OR2L13: variants seen among roughly 807,000 people sequenced by gnomAD.
The protein encoded by OR2L13 is olfactory receptor family 2 subfamily L member 13, also known as olfactory receptor 2L13.
In OR2L13, 14 loss-of-function variants were observed where a neutral mutation model predicts 15.3. The observed-to-expected ratio is 0.91, with a 90% CI of 0.60 to 1.43. The LOEUF is 1.43. OR2L13 is among the 40% of genes most tolerant of loss of function. The pLI is 0.00. For missense variants in OR2L13, 367 were observed against 387.9 expected (o/e 0.95, Z 0.45); for synonymous variants, 152 against 142.9 (o/e 1.06, Z -0.45).
the OR2L13 span, chr1:248,022,403 C>T: frequency 6.2e-7 from 1 of 1,614,012 alleles, no homozygotes; most frequent in Non-Finnish European, 8.5e-7. Context: ...TGATAGGCTC[C>T]ATCAACTCTT....
the OR2L13 span, chr1:248,023,926 AAATAG>A: frequency 6.6e-6 from 1 of 152,222 alleles, no homozygotes; most frequent in Non-Finnish European, 1.5e-5. Flanking sequence ...TGTTGCTCTC[AAATAG>A]AATAATCTTC....
At chr1:248,021,987 T>C in the OR2L13 span, 336 of 1,613,816 alleles carry the variant, frequency 2.1e-4, 1 homozygote, top group South Asian at 3.4e-3. Context: ...TTTCATCTTA[T>C]TGGGGCTGTT....
chr1:248,044,865 G>A, the OR2L13 span, among the ~76,000 whole-genome samples: 2 of 149,844 alleles, frequency 1.3e-5, no homozygotes, highest in African/African-American at 2.4e-5. Context: ...TCTCCAGAAG[G>A]CTGATTTGAA....
the OR2L13 span, among the ~76,000 whole-genome samples, chr1:247,964,393 A>G: frequency 6.6e-6 from 1 of 152,196 alleles, no homozygotes; most frequent in Non-Finnish European, 1.5e-5. Context: ...GCTGCGTTAT[A>G]GCACAAGTAA....
the OR2L13 span, chr1:248,084,486 C>G: frequency 6.2e-7 from 1 of 1,612,516 alleles, no homozygotes; most frequent in Non-Finnish European, 8.5e-7. Flanking sequence ...AATTGCCAAA[C>G]AGGGAGGTCA....
chr1:248,087,905 C>G, the OR2L13 span, among the ~76,000 whole-genome samples: 1 of 152,016 alleles, frequency 6.6e-6, no homozygotes, highest in African/African-American at 2.4e-5. Flanking sequence ...ATATATGTGA[C>G]TTAATTACCT....
the OR2L13 span, among the ~76,000 whole-genome samples, chr1:247,980,596 A>G: frequency 6.6e-6 from 1 of 152,218 alleles, no homozygotes; most frequent in Non-Finnish European, 1.5e-5. Flanking sequence ...ATCTAAATAC[A>G]TTATCATAAC....
At chr1:248,096,966 G>T (rs927379393), upstream of OR2L13, among the ~76,000 whole-genome samples, 22 of 152,122 alleles carry the variant, frequency 1.4e-4, no homozygotes, top group African/African-American at 5.3e-4. Flanking sequence ...TACGTGCTAT[G>T]GGGGCTCTGG....
chr1:247,966,773 T>G, the OR2L13 span, among the ~76,000 whole-genome samples: 1 of 152,196 alleles, frequency 6.6e-6, no homozygotes, highest in Non-Finnish European at 1.5e-5. Flanking sequence ...CCTGTTTTCC[T>G]TTCGTGGTTT....
the OR2L13 span, among the ~76,000 whole-genome samples, chr1:248,007,235 T>A: frequency 1.3e-5 from 2 of 152,154 alleles, no homozygotes; most frequent in African/African-American, 4.8e-5. Flanking sequence ...TTGAAATCAC[T>A]CCTACTGACA....
the OR2L13 span, chr1:248,028,988 G>C: frequency 5.9e-5 from 9 of 152,104 alleles, no homozygotes; most frequent in Admixed American, 1.3e-4. Context: ...AAAATTCTTC[G>C]ACTTTTCAAA....
chr1:247,960,574 G>A, the OR2L13 span, among the ~76,000 whole-genome samples: 2 of 152,208 alleles, frequency 1.3e-5, no homozygotes, highest in Non-Finnish European at 2.9e-5. Context: ...TCCTTGAGCT[G>A]CGGTGGGCTG....
At chr1:247,961,877 T>C in the OR2L13 span, among the ~76,000 whole-genome samples, 5 of 152,258 alleles carry the variant, frequency 3.3e-5, no homozygotes, top group African/African-American at 1.2e-4. Context: ...TTCTCGTGTG[T>C]TTCTGAAAAT....
the OR2L13 span, chr1:247,965,741 G>T: frequency 7.0e-6 from 11 of 1,562,552 alleles, no homozygotes; most frequent in Admixed American, 1.9e-5. Flanking sequence ...TCTTATGATC[G>T]CTATGTAGCT....
chr1:248,075,700 G>T, the OR2L13 span, among the ~76,000 whole-genome samples: 8 of 152,090 alleles, frequency 5.3e-5, no homozygotes, highest in African/African-American at 1.9e-4. Context: ...TGATGAGGTT[G>T]TTTGTTTTTC....
the OR2L13 span, among the ~76,000 whole-genome samples, chr1:247,951,719 C>T: frequency 1.3e-5 from 2 of 151,852 alleles, no homozygotes; most frequent in Non-Finnish European, 2.9e-5. Flanking sequence ...TGCTAATCTT[C>T]CTGGCTTTTT....
At chr1:247,983,228 T>G in the OR2L13 span, among the ~76,000 whole-genome samples, 1 of 152,222 alleles carries the variant, frequency 6.6e-6, no homozygotes. Flanking sequence ...TAGGATTAAA[T>G]CTAATGGAAT....
At chr1:248,028,122 C>T in the OR2L13 span, among the ~76,000 whole-genome samples, 1 of 113,528 alleles carries the variant, frequency 8.8e-6, no homozygotes, top group East Asian at 2.8e-4. Context: ...GCCTGAGCGA[C>T]AGAGCGAGAT....
the OR2L13 span, among the ~76,000 whole-genome samples, chr1:247,956,756 C>T: frequency 6.6e-6 from 1 of 151,878 alleles, no homozygotes; most frequent in African/African-American, 2.4e-5. Context: ...GTCTGTTATT[C>T]GTGTAGAAGA....
Sources: gnomAD v4.1 joint callset for allele counts (sites outside exome capture counted in the v4.1 genomes callset) on GRCh38, gnomAD v4.1.1 for gene constraint, MANE v1.5 for transcripts, NCBI Gene and HGNC (gene_info 2026-07-23, HGNC 2026-07-21) for gene names.